The following SBF2 variants were observed in gnomAD, a reference collection of about 807,000 sequenced individuals.
The protein encoded by SBF2 is SET binding factor 2.
A neutral mutation model predicts 225.2 loss-of-function variants in SBF2; 112 were observed. The observed-to-expected ratio is 0.50, with a 90% confidence interval of 0.43 to 0.58. The LOEUF is 0.58. Ranked by LOEUF, SBF2 falls within the 20% of genes least tolerant of loss-of-function variation. The pLI is 0.00. For missense variants in SBF2, 1,996 were observed against 2,206.2 expected (o/e 0.90, Z 1.91); for synonymous variants, 763 against 773.3 (o/e 0.99, Z 0.22).
intron 16 of SBF2, among the ~76,000 whole-genome samples, chr11:9,947,916 A>T (rs1033116615): frequency 1.3e-5 from 2 of 152,228 alleles, no homozygotes; most frequent in Non-Finnish European, 2.9e-5. Context: ...CATAAGATCC[A>T]GCAATTCTAC....
At chr11:9,940,796 C>A (rs1194342812) in intron 16 of SBF2, among the ~76,000 whole-genome samples, 1 of 151,478 alleles carries the variant, frequency 6.6e-6, no homozygotes, top group Non-Finnish European at 1.5e-5. Context: ...AATAATAGAA[C>A]AAGTGAAAAA....
At chr11:10,168,888 A>C (rs1340552993) in intron 2 of SBF2, among the ~76,000 whole-genome samples, 1 of 152,216 alleles carries the variant, frequency 6.6e-6, no homozygotes, top group Non-Finnish European at 1.5e-5. Flanking sequence ...AAACCACAAT[A>C]AATTAACCAA....
intron 16 of SBF2, among the ~76,000 whole-genome samples, chr11:9,896,842 G>A (rs1861306502): frequency 6.6e-6 from 1 of 151,390 alleles, no homozygotes; most frequent in Middle Eastern, 3.2e-3. Flanking sequence ...GATCAGACAA[G>A]ATATATCACT....
chr11:9,950,089 C>G (rs1384430572), intron 16 of SBF2, among the ~76,000 whole-genome samples: 1 of 151,520 alleles, frequency 6.6e-6, no homozygotes, highest in East Asian at 1.9e-4. Flanking sequence ...CTTGCAGGGA[C>G]CAAAGATGAT....
At chr11:10,152,503 T>C (rs1179362610) in intron 2 of SBF2, among the ~76,000 whole-genome samples, 1 of 151,534 alleles carries the variant, frequency 6.6e-6, no homozygotes, top group African/African-American at 2.4e-5. Context: ...GAGCTGAGAT[T>C]GTGCCATTGC....
At chr11:10,017,406 A>T (rs761422146) in intron 6 of SBF2, among the ~76,000 whole-genome samples, 2 of 152,222 alleles carry the variant, frequency 1.3e-5, no homozygotes, top group Non-Finnish European at 2.9e-5. Context: ...AGTTCTGGTC[A>T]CAGCTTAATG....
chr11:9,939,194 C>G (rs1218220464), intron 16 of SBF2, among the ~76,000 whole-genome samples: 1 of 152,146 alleles, frequency 6.6e-6, no homozygotes, highest in Admixed American at 6.5e-5. Flanking sequence ...CTCCAAGGTT[C>G]AAGCGAGTCT....
chr11:9,820,276 C>G (rs1318939157), intron 28 of SBF2, among the ~76,000 whole-genome samples: 1 of 152,172 alleles, frequency 6.6e-6, no homozygotes, highest in East Asian at 1.9e-4. Flanking sequence ...TTCACTCCCA[C>G]TTCACTCCTT....
intron 13 of SBF2, among the ~76,000 whole-genome samples, chr11:9,974,944 C>T (rs530361911): frequency 1.6e-3 from 151 of 93,720 alleles, no homozygotes; most frequent in Non-Finnish European, 2.5e-3. Flanking sequence ...TGGGCAACAA[C>T]AGCGAAACTT....
chr11:9,789,209 A>T lies in SBF2; in HGVS notation c.4832T>A (p.Leu1611Gln). 6.2e-7 allele frequency: 1 copy of T among 1,614,192 alleles called. No individual in the cohort carries two copies. Among genetic ancestry groups the T allele is most frequent in the Non-Finnish European group, 8.5e-7 (1 of 1,180,032 alleles). The change falls in exon 35 of 40, where the codon CTG becomes CAG. Residue 1611 changes from leucine (L) to glutamine (Q), a missense_variant. By Grantham distance (113) the Leu-to-Gln change is moderately radical (BLOSUM62 -2). Coordinates refer to ENST00000256190, the MANE Select transcript of SBF2 (RefSeq NM_030962.4). ...GCTCCGTGGCCCAGCTTCTCCAGCC[A>T]GGTCAGAGTCTTCGGAGGGGAAGTG... ...PKHFPSEDSDLAGEAGPRSQR... is the reference protein window; with the variant it reads ...PKHFPSEDSDQAGEAGPRSQR...
chr11:9,980,391 C>T (rs183831350), intron 13 of SBF2, among the ~76,000 whole-genome samples: 220 of 152,080 alleles, frequency 1.4e-3, no homozygotes, highest in African/African-American at 5.1e-3. Context: ...CTGCCTCGGC[C>T]TCCCAAAGTG....
At chr11:10,281,382 C>T (rs1051778431) in intron 1 of SBF2, among the ~76,000 whole-genome samples, 5 of 152,168 alleles carry the variant, frequency 3.3e-5, no homozygotes, top group Non-Finnish European at 7.3e-5. Context: ...TACCCTCATC[C>T]TTTAAGAACA....
intron 16 of SBF2, among the ~76,000 whole-genome samples, chr11:9,930,148 T>C (rs928060247): frequency 1.3e-5 from 2 of 152,000 alleles, no homozygotes; most frequent in Non-Finnish European, 2.9e-5. Context: ...GAAATTAATA[T>C]AAAGAATTTT....
chr11:9,924,639 C>T (rs1472747787), intron 16 of SBF2, among the ~76,000 whole-genome samples: 1 of 152,114 alleles, frequency 6.6e-6, no homozygotes, highest in Non-Finnish European at 1.5e-5. Context: ...ACGATGCTGG[C>T]CAAGCTGGTC....
chr11:9,898,934 A>G (rs1172710523), intron 16 of SBF2, among the ~76,000 whole-genome samples: 1 of 152,174 alleles, frequency 6.6e-6, no homozygotes, highest in Non-Finnish European at 1.5e-5. Flanking sequence ...ATGTATTTAT[A>G]TAAAGGCAGA....
intron 17 of SBF2, among the ~76,000 whole-genome samples, chr11:9,880,084 TA>T (rs58140393): frequency 0.026 from 1,335 of 51,868 alleles, 17 homozygotes; most frequent in African/African-American, 0.089. Context: ...CTCTGTCTCA[TA>T]AAAAAAAAAA....
chr11:10,178,874 G>T (rs1956597921), intron 2 of SBF2, among the ~76,000 whole-genome samples: 1 of 148,764 alleles, frequency 6.7e-6, no homozygotes, highest in South Asian at 2.1e-4. Flanking sequence ...AAATCATGCT[G>T]CTATAAAGAC....
intron 2 of SBF2, among the ~76,000 whole-genome samples, chr11:10,116,657 C>CT (rs904746667): frequency 8.5e-4 from 127 of 149,914 alleles, no homozygotes; most frequent in African/African-American, 2.6e-3. Flanking sequence ...TTTTAATTGT[C>CT]TTTTTTTTTT....
intron 2 of SBF2, among the ~76,000 whole-genome samples, chr11:10,111,641 G>A (rs533339000): frequency 9.5e-4 from 145 of 152,186 alleles, no homozygotes; most frequent in African/African-American, 3.0e-3. Flanking sequence ...TTTGGGAGAC[G>A]GAGGTGGGCA....
Sources: allele counts gnomAD v4.1 joint callset (sites outside exome capture counted in the v4.1 genomes callset), GRCh38; gene constraint gnomAD v4.1.1; transcripts MANE v1.5; gene names NCBI Gene and HGNC (gene_info 2026-07-23, HGNC 2026-07-21).